Variants in CACNA1E observed in about 807,000 individuals in gnomAD.
The protein encoded by CACNA1E is calcium voltage-gated channel subunit alpha1 E.
In CACNA1E, 40 loss-of-function variants were observed where a neutral mutation model predicts 259.2. The ratio of observed to expected loss-of-function variants is 0.15; its 90% CI spans 0.12 to 0.20. The LOEUF is 0.20. Among genes scored for constraint, CACNA1E ranks in the 10% least tolerant of loss-of-function variants. The pLI, the probability that CACNA1E is intolerant of heterozygous loss-of-function variation, is 1.00. For synonymous variants in CACNA1E, 1,104 were observed against 1,138.5 expected, an observed-to-expected ratio of 0.97 and a Z score of 0.61; for missense variants, 1,874 against 3,040.1, an observed-to-expected ratio of 0.62 and a Z score of 9.02.
At chr1:181,486,256 G>C (rs989682572) in intron 1 of CACNA1E, among the ~76,000 whole-genome samples, 2 of 152,176 alleles carry the variant, frequency 1.3e-5, no homozygotes, top group African/African-American at 4.8e-5. Context: ...CTGTCCCAAT[G>C]GTCTCTTTTG....
intron 1 of CACNA1E, among the ~76,000 whole-genome samples, chr1:181,507,643 G>C (rs540565999): frequency 2.6e-5 from 4 of 152,152 alleles, no homozygotes; most frequent in African/African-American, 9.7e-5. Flanking sequence ...TTGCCTGCAG[G>C]CTCAGCACTG....
intron 5 of CACNA1E, 36 bp from the exon 6 acceptor site, chr1:181,580,559 T>G: frequency 6.3e-7 from 1 of 1,594,414 alleles, no homozygotes; most frequent in Non-Finnish European, 8.6e-7. Flanking sequence ...CGAAACACCA[T>G]GTGATTTATC....
chr1:181,482,121 G>T (rs562316992), upstream of CACNA1E, among the ~76,000 whole-genome samples: 9 of 152,352 alleles, frequency 5.9e-5, no homozygotes, highest in Admixed American at 2.6e-4. Flanking sequence ...GGCCTCCCAG[G>T]TGCTAAGTGG....
upstream of CACNA1E, among the ~76,000 whole-genome samples, chr1:181,481,747 G>A (rs1034875777): frequency 6.6e-6 from 1 of 152,152 alleles, no homozygotes. Flanking sequence ...CACCTGTGGG[G>A]AAGGGCTTGG....
chr1:181,739,281 C>T (rs747440144), intron 25 of CACNA1E, 28 bp downstream of exon 25: 10 of 1,370,278 alleles, frequency 7.3e-6, no homozygotes, highest in Admixed American at 5.0e-5. Flanking sequence ...TATTTGATTC[C>T]CTTCCTTCCC....
intron 2 of CACNA1E, among the ~76,000 whole-genome samples, chr1:181,451,786 G>A (rs1202251802): frequency 6.6e-6 from 1 of 152,202 alleles, no homozygotes. Context: ...AAGTCTTCAG[G>A]AAGAGTGTAG....
At chr1:181,737,796 C>G (rs558723455) in intron 23 of CACNA1E, 142 bp downstream of exon 23, 1 of 1,154,562 alleles carries the variant, frequency 8.7e-7, no homozygotes, top group Non-Finnish European at 1.2e-6. Flanking sequence ...TTCCTCAGGG[C>G]GAAGTATGAA....
intron 2 of CACNA1E, among the ~76,000 whole-genome samples, chr1:181,439,067 A>G (rs748953167): frequency 3.9e-5 from 6 of 152,348 alleles, no homozygotes; most frequent in African/African-American, 1.4e-4. Context: ...GATTTATAAC[A>G]TATTATGACT....
intron 37 of CACNA1E, among the ~76,000 whole-genome samples, chr1:181,775,093 C>T (rs984711997): frequency 3.3e-5 from 5 of 152,146 alleles, no homozygotes; most frequent in Admixed American, 1.3e-4. Context: ...AGCTCTAGAC[C>T]GCACATTTTC....
At chr1:181,619,187 G>C (rs996837032) in intron 6 of CACNA1E, among the ~76,000 whole-genome samples, 1 of 134,864 alleles carries the variant, frequency 7.4e-6, no homozygotes, top group Non-Finnish European at 1.6e-5. Context: ...CAAGGGGACG[G>C]GGTCGGTTTT....
At chr1:181,447,790 GTC>G (rs1660889236) in intron 2 of CACNA1E, among the ~76,000 whole-genome samples, 1 of 152,210 alleles carries the variant, frequency 6.6e-6, no homozygotes, top group Non-Finnish European at 1.5e-5. Flanking sequence ...CAGAAGTCAA[GTC>G]TTGTGGCTGT....
chr1:181,704,387 A>G (rs1424384189), intron 7 of CACNA1E, among the ~76,000 whole-genome samples: 2 of 152,138 alleles, frequency 1.3e-5, no homozygotes, highest in African/African-American at 2.4e-5. Flanking sequence ...AGAATTGCCA[A>G]TCTTGCTTCC....
At chr1:181,767,606 T>G (rs748938873) in intron 35 of CACNA1E, among the ~76,000 whole-genome samples, 1 of 152,238 alleles carries the variant, frequency 6.6e-6, no homozygotes, top group Non-Finnish European at 1.5e-5. Context: ...TTCTGAAATG[T>G]CTCTTCCTTT....
intron 1 of CACNA1E, among the ~76,000 whole-genome samples, chr1:181,409,692 C>A (rs1390145884): frequency 1.3e-5 from 2 of 152,066 alleles, no homozygotes; most frequent in East Asian, 3.9e-4. Context: ...TTGGTGCTAG[C>A]CAGAACTGGG....
At chr1:181,458,081 A>G (rs758326557) in intron 2 of CACNA1E, among the ~76,000 whole-genome samples, 3 of 152,186 alleles carry the variant, frequency 2.0e-5, no homozygotes. Flanking sequence ...TCCTGCCTTT[A>G]TAGCAGTTTT....
intron 1 of CACNA1E, among the ~76,000 whole-genome samples, chr1:181,488,797 G>T (rs1042922731): frequency 2.0e-5 from 3 of 152,082 alleles, no homozygotes; most frequent in Non-Finnish European, 4.4e-5. Context: ...ATGAGAACAG[G>T]CCTGCTTTTT....
intron 1 of CACNA1E, among the ~76,000 whole-genome samples, chr1:181,386,997 T>C (rs1179356690): frequency 6.6e-6 from 1 of 152,268 alleles, no homozygotes; most frequent in Non-Finnish European, 1.5e-5. Context: ...GATTGACTCC[T>C]GATTTCCTTG....
chr1:181,443,589 A>G (rs1660630799), intron 2 of CACNA1E, among the ~76,000 whole-genome samples: 1 of 152,252 alleles, frequency 6.6e-6, no homozygotes, highest in African/African-American at 2.4e-5. Flanking sequence ...AGGCAGGACC[A>G]CAGTCTTATC....
At chr1:181,733,334 C>T in intron 20 of CACNA1E, 103 bp from the exon 21 acceptor site, 1 of 1,070,868 alleles carries the variant, frequency 9.3e-7, no homozygotes, top group Non-Finnish European at 1.3e-6. Flanking sequence ...GGCCTTGTAC[C>T]TTCCAGGCTG....
Sources: allele counts gnomAD v4.1 joint callset (sites outside exome capture counted in the v4.1 genomes callset), GRCh38; gene constraint gnomAD v4.1.1; transcripts MANE v1.5; gene names NCBI Gene and HGNC (gene_info 2026-07-23, HGNC 2026-07-21).